ELP4: variants seen among roughly 807,000 people sequenced by gnomAD.
The protein encoded by ELP4 is elongator complex protein 4.
Under a neutral mutation model 48.9 loss-of-function variants are expected in ELP4, and 51 were observed. That is an observed-to-expected ratio of 1.04 (90% confidence interval 0.83 to 1.32). ELP4 has a LOEUF of 1.32. Ranked by LOEUF, ELP4 falls within the 40% of genes most tolerant of loss-of-function variation. ELP4 has a pLI of 0.00. For synonymous variants in ELP4, 210 were observed against 189.2 expected, an observed-to-expected ratio of 1.11 and a Z score of -0.90; for missense variants, 519 against 514.6, an observed-to-expected ratio of 1.01 and a Z score of -0.08.
chr11:31,529,439 A>G (rs1296315382), intron 2 of ELP4, among the ~76,000 whole-genome samples: 2 of 152,172 alleles, frequency 1.3e-5, no homozygotes, highest in African/African-American at 4.8e-5. Flanking sequence ...GCAGGAGTAC[A>G]ACATTTATGG....
At position 31,509,780 on chromosome 11, in the gene ELP4, C is replaced by G. The variant is rs778782381; in HGVS notation, c.-5C>G. 6.2e-7 allele frequency: 1 copy of G among 1,613,770 alleles called. No individual in the cohort carries two copies. Among genetic ancestry groups the G allele is most frequent in the East Asian group, 2.2e-5 (1 of 44,882 alleles). ...TCCTATTGGGTTAACACTGGAGGCT[C>G]TAAGATGGCGGCAGTGGCAACCTGC... is the stretch of plus-strand genomic sequence containing the variant. On this transcript the variant is annotated 5_prime_UTR_variant, in exon 1 of 10. Transcript: ENST00000640961.
Position 31,647,727 on chromosome 11 carries a change from T to C in ELP4, c.928-14T>C, listed in dbSNP as rs1460695722. On this transcript the variant is annotated splice_polypyrimidine_tract_variant and intron_variant, in intron 7 of 9. Transcript: ENST00000640961. Reference sequence around the variant, plus strand: ...TAATATTTAACGTTACTGTTTTGTTTCCATGTTTTGCAGAATAAAGCCATT... The same window carrying C: ...TAATATTTAACGTTACTGTTTTGTTCCCATGTTTTGCAGAATAAAGCCATT... The C allele has an allele frequency of 6.7e-7, 1 of 1,498,852 alleles. No homozygotes were observed. Among genetic ancestry groups the C allele is most frequent in the Non-Finnish European group, 9.3e-7 (1 of 1,076,334 alleles). The allele number at this position is 1,498,852 out of a possible 1,614,324, so 92.8% of individuals were successfully genotyped here. A position where few individuals can be genotyped will look rare whatever the true frequency, so the allele number is the denominator to read the frequency against.
At chr11:31,523,301 A>G (rs996015825) in intron 2 of ELP4, among the ~76,000 whole-genome samples, 15 of 152,202 alleles carry the variant, frequency 9.9e-5, no homozygotes, top group African/African-American at 2.9e-4. Context: ...TTAGGAGCCT[A>G]TGGTATTACT....
At chr11:31,764,210 G>C (rs926564199) in intron 9 of ELP4, among the ~76,000 whole-genome samples, 1 of 152,088 alleles carries the variant, frequency 6.6e-6, no homozygotes, top group Non-Finnish European at 1.5e-5. Flanking sequence ...ACAATTAAAG[G>C]CTGGTTACTT....
At chr11:31,622,246 T>G (rs1048468864) in intron 5 of ELP4, among the ~76,000 whole-genome samples, 1 of 151,838 alleles carries the variant, frequency 6.6e-6, no homozygotes, top group East Asian at 1.9e-4. Flanking sequence ...CTTAACCTTT[T>G]CACTGATAAA....
In ELP4 at chr11:31,787,034, A is replaced by T. The variant is rs888570719; in HGVS notation, c.*3510A>T. 4.9e-4 allele frequency: 54 copies of T among 109,722 alleles called. No homozygotes were observed. Among genetic ancestry groups the T allele is most frequent in the Non-Finnish European group, 7.5e-4 (48 of 64,238 alleles). The allele number at this position is 109,722 out of a possible 1,614,324, so 6.8% of individuals were successfully genotyped here. A position where few individuals can be genotyped will look rare whatever the true frequency, so the allele number is the denominator to read the frequency against. On this transcript the variant is annotated 3_prime_UTR_variant, in exon 10 of 10. Coordinates refer to ENST00000640961, the MANE Select transcript of ELP4 (RefSeq NM_019040.5). ...ATATGTATCGTTAAATAAATAATAAACAAAAATTATTTCAACAATGAGTAA... is the reference window on the plus strand; with the variant it reads ...ATATGTATCGTTAAATAAATAATAATCAAAAATTATTTCAACAATGAGTAA...
At chr11:31,671,024 A>T (rs1945795604) in intron 9 of ELP4, among the ~76,000 whole-genome samples, 1 of 152,140 alleles carries the variant, frequency 6.6e-6, no homozygotes. Flanking sequence ...ATCATTCATC[A>T]GAATAATTAT....
chr11:31,644,836 A>G (rs1945169840), intron 7 of ELP4, among the ~76,000 whole-genome samples: 1 of 151,726 alleles, frequency 6.6e-6, no homozygotes, highest in South Asian at 2.1e-4. Context: ...ATAAGCCCAA[A>G]TATCTTTTAT....
chr11:31,648,998 A>T (rs1339933150), intron 8 of ELP4: 5 of 151,720 alleles, frequency 3.3e-5, no homozygotes, highest in African/African-American at 1.2e-4. Context: ...TTTCTAATAA[A>T]TATATTTTAC....
At chr11:31,604,139 G>T (rs1254672748) in intron 5 of ELP4, among the ~76,000 whole-genome samples, 1 of 151,356 alleles carries the variant, frequency 6.6e-6, no homozygotes, top group Non-Finnish European at 1.5e-5. Flanking sequence ...TCTCTAATTT[G>T]CAACTTGAAA....
At chr11:31,755,866 C>A (rs1947823445) in intron 9 of ELP4, among the ~76,000 whole-genome samples, 1 of 151,802 alleles carries the variant, frequency 6.6e-6, no homozygotes, top group African/African-American at 2.4e-5. Flanking sequence ...CTCCCTTTTT[C>A]TCATGCTTCA....
chr11:31,592,461 G>C (rs924304843), intron 3 of ELP4, among the ~76,000 whole-genome samples: 1 of 151,138 alleles, frequency 6.6e-6, no homozygotes, highest in Non-Finnish European at 1.5e-5. Flanking sequence ...AGGATCACTT[G>C]AGCCCAGGAG....
chr11:31,549,688 G>A (rs1202301785), intron 3 of ELP4, among the ~76,000 whole-genome samples: 3 of 152,210 alleles, frequency 2.0e-5, no homozygotes, highest in African/African-American at 4.8e-5. Flanking sequence ...ACATGTACAC[G>A]TATGTTTATT....
intron 9 of ELP4, among the ~76,000 whole-genome samples, chr11:31,691,277 CTA>C (rs921601950): frequency 1.1e-4 from 17 of 151,882 alleles, no homozygotes; most frequent in Admixed American, 9.9e-4. Flanking sequence ...GCAAACTAGA[CTA>C]TATCTGTTAA....
chr11:31,604,926 A>G (rs1957846330), intron 5 of ELP4, among the ~76,000 whole-genome samples: 1 of 152,004 alleles, frequency 6.6e-6, no homozygotes, highest in African/African-American at 2.4e-5. Context: ...GGCACTTTAC[A>G]TTTGTTATCT....
intron 7 of ELP4, among the ~76,000 whole-genome samples, chr11:31,636,783 C>A (rs568500486): frequency 6.6e-6 from 1 of 151,562 alleles, no homozygotes; most frequent in East Asian, 2.0e-4. Flanking sequence ...TTCTTTAATG[C>A]CACAGGAAAA....
intron 1 of ELP4, 47 bp from the exon 2 acceptor site, chr11:31,520,009 A>G: frequency 6.3e-7 from 1 of 1,593,254 alleles, no homozygotes; most frequent in Non-Finnish European, 8.6e-7. Context: ...TGCTAAAGGT[A>G]ATGGAAAAGG....
At chr11:31,590,251 T>C (rs1957545849) in intron 3 of ELP4, among the ~76,000 whole-genome samples, 1 of 152,134 alleles carries the variant, frequency 6.6e-6, no homozygotes, top group African/African-American at 2.4e-5. Flanking sequence ...ACTATATATA[T>C]ATATGTACTC....
intron 9 of ELP4, among the ~76,000 whole-genome samples, chr11:31,657,129 G>T (rs1011065861): frequency 2.0e-5 from 3 of 151,930 alleles, no homozygotes; most frequent in Non-Finnish European, 2.9e-5. Flanking sequence ...AGTAAATATG[G>T]TATCCTTAAG....
Sources: allele counts gnomAD v4.1 joint callset (sites outside exome capture counted in the v4.1 genomes callset), GRCh38; gene constraint gnomAD v4.1.1; transcripts MANE v1.5; gene names NCBI Gene and HGNC (gene_info 2026-07-23, HGNC 2026-07-21).